Variants in OR2L13 observed in about 807,000 individuals in gnomAD.
OR2L13 encodes olfactory receptor 2L13.
In OR2L13, 14 loss-of-function variants were observed where a neutral mutation model predicts 15.3. The observed-to-expected ratio is 0.91, with a 90% CI of 0.60 to 1.43. The LOEUF (loss-of-function observed/expected upper bound fraction) is 1.43, where lower values mean the gene tolerates loss of function less well. Among genes scored for constraint, OR2L13 ranks in the 40% most tolerant of loss-of-function variants. OR2L13 has a pLI of 0.00. For synonymous variants in OR2L13, 152 were observed against 142.9 expected (o/e 1.06, Z -0.45); for missense variants, 367 against 387.9 (o/e 0.95, Z 0.45).
At chr1:248,074,871 A>G in the OR2L13 span, among the ~76,000 whole-genome samples, 2 of 151,208 alleles carry the variant, frequency 1.3e-5, no homozygotes, top group East Asian at 3.9e-4. Flanking sequence ...ATAGACGAAA[A>G]TCTTCTTTTT....
chr1:248,002,700 T>C, the OR2L13 span, among the ~76,000 whole-genome samples: 1 of 151,896 alleles, frequency 6.6e-6, no homozygotes, highest in African/African-American at 2.4e-5. Context: ...CTACCAAAAA[T>C]ACAAGAATTT....
the OR2L13 span, among the ~76,000 whole-genome samples, chr1:248,056,287 AT>A: frequency 3.3e-5 from 5 of 150,410 alleles, no homozygotes; most frequent in South Asian, 6.3e-4. Flanking sequence ...TAGTTTATTG[AT>A]TTTTTTTTCA....
chr1:248,071,052 G>A, the OR2L13 span, among the ~76,000 whole-genome samples: 1 of 152,084 alleles, frequency 6.6e-6, no homozygotes, highest in Non-Finnish European at 1.5e-5. Flanking sequence ...GAGGTACAAG[G>A]AGGAACTGGT....
At chr1:248,033,115 A>G in the OR2L13 span, among the ~76,000 whole-genome samples, 1 of 152,232 alleles carries the variant, frequency 6.6e-6, no homozygotes, top group African/African-American at 2.4e-5. Flanking sequence ...TGGGTTTATC[A>G]GGATGAAACC....
At chr1:248,074,619 A>G in the OR2L13 span, among the ~76,000 whole-genome samples, 5 of 152,162 alleles carry the variant, frequency 3.3e-5, no homozygotes, top group African/African-American at 1.2e-4. Context: ...GCAAGCATGG[A>G]CACATGCTTG....
the OR2L13 span, among the ~76,000 whole-genome samples, chr1:248,048,947 A>G: frequency 1.4e-5 from 2 of 141,954 alleles, no homozygotes; most frequent in Admixed American, 7.0e-5. Context: ...TGGTAAATCC[A>G]CACGTTTTCT....
At chr1:248,055,427 G>C in the OR2L13 span, among the ~76,000 whole-genome samples, 18 of 152,036 alleles carry the variant, frequency 1.2e-4, no homozygotes, top group Non-Finnish European at 2.5e-4. Context: ...GTCTCTGCTG[G>C]GTTTTGGAAG....
chr1:247,939,290 T>C, the OR2L13 span: 3 of 152,184 alleles, frequency 2.0e-5, no homozygotes, highest in Admixed American at 6.5e-5. Context: ...AGCATCATAT[T>C]TTTGCTCATT....
the OR2L13 span, among the ~76,000 whole-genome samples, chr1:248,015,484 G>A: frequency 6.6e-6 from 1 of 152,270 alleles, no homozygotes; most frequent in East Asian, 1.9e-4. Flanking sequence ...AGGAATTCAG[G>A]CTGACTTACG....
chr1:248,061,890 T>C, the OR2L13 span: 6 of 295,000 alleles, frequency 2.0e-5, 1 homozygote, highest in Middle Eastern at 5.0e-3. Flanking sequence ...TTTTTGGTCA[T>C]GCAGAAATAG....
At chr1:248,091,564 T>C (rs1388168138), upstream of OR2L13, among the ~76,000 whole-genome samples, 1 of 152,106 alleles carries the variant, frequency 6.6e-6, no homozygotes, top group Non-Finnish European at 1.5e-5. Flanking sequence ...ATTATTTTTG[T>C]TGGCTTCGTT....
chr1:248,050,733 T>A, the OR2L13 span, among the ~76,000 whole-genome samples: 1 of 152,186 alleles, frequency 6.6e-6, no homozygotes, highest in African/African-American at 2.4e-5. Context: ...CAATTTCAAA[T>A]ATTACATATT....
At chr1:248,049,819 G>A in the OR2L13 span, among the ~76,000 whole-genome samples, 1 of 151,968 alleles carries the variant, frequency 6.6e-6, no homozygotes, top group Non-Finnish European at 1.5e-5. Context: ...AATTTTGAGG[G>A]ATGAACTACA....
the OR2L13 span, chr1:248,041,534 C>T: frequency 6.6e-6 from 1 of 152,186 alleles, no homozygotes; most frequent in Non-Finnish European, 1.5e-5. Flanking sequence ...TAAAGAGCTT[C>T]TGCACAGCAA....
At chr1:248,023,106 C>T in the OR2L13 span, 1 of 417,018 alleles carries the variant, frequency 2.4e-6, no homozygotes, top group South Asian at 5.2e-5. Flanking sequence ...ATATATTTTA[C>T]ACTAAATTGT....
At chr1:248,045,463 C>A in the OR2L13 span, among the ~76,000 whole-genome samples, 2 of 152,124 alleles carry the variant, frequency 1.3e-5, 1 homozygote, top group South Asian at 4.1e-4. Flanking sequence ...ACCTAAAAGT[C>A]TTTCTTTTTT....
At chr1:248,065,019 A>C in the OR2L13 span, among the ~76,000 whole-genome samples, 1 of 152,222 alleles carries the variant, frequency 6.6e-6, no homozygotes, top group Non-Finnish European at 1.5e-5. Flanking sequence ...ACAACGGAGA[A>C]AGAAGTCAAA....
At chr1:247,972,881 A>G in the OR2L13 span, among the ~76,000 whole-genome samples, 2 of 152,212 alleles carry the variant, frequency 1.3e-5, no homozygotes, top group Non-Finnish European at 2.9e-5. Flanking sequence ...TCCTCAATAA[A>G]ATACTGGAAA....
chr1:247,984,094 C>A, the OR2L13 span, among the ~76,000 whole-genome samples: 1 of 152,120 alleles, frequency 6.6e-6, no homozygotes, highest in Non-Finnish European at 1.5e-5. Context: ...TTCAAGGTTC[C>A]GTCTCTAGAA....
Sources: allele counts gnomAD v4.1 joint callset (sites outside exome capture counted in the v4.1 genomes callset), GRCh38; gene constraint gnomAD v4.1.1; transcripts MANE v1.5; gene names NCBI Gene and HGNC (gene_info 2026-07-23, HGNC 2026-07-21).